NFIX: variants seen among roughly 807,000 people sequenced by gnomAD.
NFIX encodes the protein nuclear factor I X.
Under a neutral mutation model 53.3 loss-of-function variants are expected in NFIX, and 2 were observed. The observed-to-expected ratio is 0.04, with a 90% CI of 0.02 to 0.12. NFIX has a LOEUF of 0.12. Among genes scored for constraint, NFIX ranks in the 10% least tolerant of loss-of-function variants. NFIX has a pLI of 1.00. For synonymous variants in NFIX, 244 were observed against 289.0 expected (o/e 0.84, Z 1.58); for missense variants, 310 against 674.5 (o/e 0.46, Z 5.99).
Position 13,037,891 on chromosome 19 carries a change from C to T in NFIX, c.559+12339C>T, listed in dbSNP as rs1047695621. ...CCCAGGAACAAAGAATCATCTCGCCCCCAAACGTCACAAGTGCGGAGGTGG... is the reference window on the plus strand; with the variant it reads ...CCCAGGAACAAAGAATCATCTCGCCTCCAAACGTCACAAGTGCGGAGGTGG... On this transcript the variant is annotated intron_variant, in intron 2 of 10. Coordinates refer to ENST00000592199, the MANE Select transcript of NFIX (RefSeq NM_001365902.3). The surrounding 1 kb of genome is among the most constrained non-coding windows in gnomAD (Gnocchi z 4.2). Among the ~76,000 whole-genome samples, 19 of 152,178 alleles carry T rather than the reference C, an allele frequency of 1.2e-4. No homozygotes were observed. The highest frequency in any genetic ancestry group is 1.1e-3 in the Admixed American group (17 of 15,290).
In NFIX at chr19:13,072,906, TG is replaced by T; in HGVS notation, c.560-137del. On this transcript the variant is annotated intron_variant, in intron 2 of 10. Transcript: ENST00000592199. This position sits in a 1 kb window ranked among gnomAD's most constrained non-coding sequence, Gnocchi z 4.0. The stretch of plus-strand genomic sequence containing the variant: ...CTCCCGGAGCCTCCTGGGGCTGGTT[TG>T]GGGAGAGGGTGGGGTGAAGGTTTCT... 1 of 802,470 alleles carries T rather than the reference TG, an allele frequency of 1.2e-6. No individual in the cohort carries two copies. The highest frequency in any genetic ancestry group is 2.2e-6 in the Non-Finnish European group (1 of 459,018). The allele number at this position is 802,470 out of a possible 1,614,324, so 49.7% of individuals were successfully genotyped here. A position where few individuals can be genotyped will look rare whatever the true frequency, so the allele number is the denominator to read the frequency against.
intron 7 of NFIX, among the ~76,000 whole-genome samples, chr19:13,079,064 T>A (rs2017297606): frequency 6.6e-6 from 1 of 152,244 alleles, no homozygotes; most frequent in Admixed American, 6.5e-5. Context: ...TCCTGCCAGC[T>A]GTGAGCGGGA....
At chr19:13,024,133 A>G in intron 1 of NFIX, 1 of 826,276 alleles carries the variant, frequency 1.2e-6, no homozygotes. Flanking sequence ...AAAAAAAACC[A>G]AACAAAACCG....
At chr19:13,003,251 C>T (rs936022144) in intron 1 of NFIX, among the ~76,000 whole-genome samples, 2 of 152,122 alleles carry the variant, frequency 1.3e-5, no homozygotes, top group Non-Finnish European at 1.5e-5. Flanking sequence ...GAATCTTGCC[C>T]TCACTCACAG....
In NFIX at chr19:13,023,610, T is replaced by C. The variant is rs113304547; in HGVS notation, c.28-1411T>C. Among the ~76,000 whole-genome samples the C allele has an allele frequency of 3.3e-3, 496 of 151,340 alleles. 2 individuals are homozygous for C. Among genetic ancestry groups the C allele is most frequent in the African/African-American group, 0.011 (471 of 41,370 alleles). ...AGATGGTGGGAGGCTGGTTTTGATT[T>C]TTAAATTTTGCATTTTTTTCTTTTT... On this transcript the variant is annotated intron_variant, in intron 1 of 10. Transcript: ENST00000592199.
In NFIX at chr19:13,081,539, A is replaced by T; in HGVS notation, c.1079-141A>T. 1 of 690,206 alleles carries T rather than the reference A, an allele frequency of 1.4e-6. No homozygotes were observed. Among genetic ancestry groups the T allele is most frequent in the Non-Finnish European group, 2.3e-6 (1 of 434,046 alleles). The allele number at this position is 690,206 out of a possible 1,614,324, so 42.8% of individuals were successfully genotyped here. Reference sequence around the variant, plus strand: ...ATGACTGACTTTTTTGTGCCGCCTTAACTTTTGTGCCTGTGGCGGCTGCCT... The same window carrying T: ...ATGACTGACTTTTTTGTGCCGCCTTTACTTTTGTGCCTGTGGCGGCTGCCT... On this transcript the variant is annotated intron_variant, in intron 7 of 10. Transcript: ENST00000592199. This position sits in a 1 kb window ranked among gnomAD's most constrained non-coding sequence, Gnocchi z 4.7.
At chr19:13,032,083 C>T (rs935427256) in intron 2 of NFIX, among the ~76,000 whole-genome samples, 3 of 152,194 alleles carry the variant, frequency 2.0e-5, no homozygotes, top group Admixed American at 6.5e-5. Flanking sequence ...GCGGTGCTCG[C>T]ACAAAAGGCC....
In NFIX at chr19:13,005,511, G is replaced by A. The variant is rs1477511956; in HGVS notation, c.27+9647G>A. Among the ~76,000 whole-genome samples the A allele has an allele frequency of 6.6e-6, 1 of 152,218 alleles. No homozygotes were observed. Among genetic ancestry groups the A allele is most frequent in the African/African-American group, 2.4e-5 (1 of 41,452 alleles). On this transcript the variant is annotated intron_variant, in intron 1 of 10. Transcript: ENST00000592199. This position sits in a 1 kb window ranked among gnomAD's most constrained non-coding sequence, Gnocchi z 4.7. ...ATTTCTGTATCTAGGAAGCAGGGCT[G>A]TGGTAAGGATCTGAGGAGTTGGTTC...
chr19:13,039,373 G>A (rs1379999603), intron 2 of NFIX, among the ~76,000 whole-genome samples: 1 of 152,130 alleles, frequency 6.6e-6, no homozygotes, highest in South Asian at 2.1e-4. Context: ...GTAACTCAGA[G>A]ATTCATTAAT....
At chr19:13,017,971 G>GCACTT (rs1334559996) in intron 1 of NFIX, among the ~76,000 whole-genome samples, 4 of 152,244 alleles carry the variant, frequency 2.6e-5, no homozygotes, top group East Asian at 1.9e-4. Context: ...TGTCCTTCAC[G>GCACTT]CACTTCGGAA....
At position 13,014,350 on chromosome 19, in the gene NFIX, G is replaced by A. The variant is rs1024389656; in HGVS notation, c.28-10671G>A. On this transcript the variant is annotated intron_variant, in intron 1 of 10. Transcript: ENST00000592199. This position sits in a 1 kb window ranked among gnomAD's most constrained non-coding sequence, Gnocchi z 4.4. ...GCCTCTGGGCCCTGACCCACTGCCT[G>A]GTTTGCGCTAGAGCCGTTTAAAAAA... is the stretch of plus-strand genomic sequence containing the variant. 2 of 152,256 alleles carry A rather than the reference G, an allele frequency of 1.3e-5. No individual in the cohort carries two copies. Among genetic ancestry groups the A allele is most frequent in the African/African-American group, 4.8e-5 (2 of 41,456 alleles). The allele number at this position is 152,256 out of a possible 1,614,324, so 9.4% of individuals were successfully genotyped here.
At chr19:13,074,488 G>A (rs1255443733) in intron 5 of NFIX, among the ~76,000 whole-genome samples, 1 of 152,170 alleles carries the variant, frequency 6.6e-6, no homozygotes, top group Non-Finnish European at 1.5e-5. Context: ...ACCCCTGAGG[G>A]GTTTTAAGCA....
chr19:13,021,413 C>T lies in NFIX; in HGVS notation c.28-3608C>T, dbSNP rs2145178582. On this transcript the variant is annotated intron_variant, in intron 1 of 10. Coordinates refer to ENST00000592199, the MANE Select transcript of NFIX (RefSeq NM_001365902.3). The surrounding 1 kb of genome is among the most constrained non-coding windows in gnomAD (Gnocchi z 4.2). The stretch of plus-strand genomic sequence containing the variant: ...TCCCATTGTCAGGGTTCAGCGCCAG[C>T]CCAGGGCTGGATGTTTTATTTTGGC... 6.6e-6 allele frequency among the ~76,000 whole-genome samples: 1 copy of T among 152,250 alleles called. No homozygotes were observed. Among genetic ancestry groups the T allele is most frequent in the Admixed American group, 6.5e-5 (1 of 15,306 alleles).
rs761546183 is a variant in NFIX, at chr19:13,081,735, G to A, written c.1134G>A (p.Gln378=). The A allele has an allele frequency of 6.2e-7, 1 of 1,613,740 alleles. No homozygotes were observed. The highest frequency in any genetic ancestry group is 8.5e-7 in the Non-Finnish European group (1 of 1,179,878). Residue 378 remains glutamine, a synonymous_variant, in exon 8 of 11, where the codon CAG becomes CAA. Transcript: ENST00000592199. The surrounding 1 kb of genome is among the most constrained non-coding windows in gnomAD (Gnocchi z 4.7). ...ALHFPSTSII[Q]QSSPYFTHPT... ...ACTTCCCCTCCACGTCCATCATCCA[G>A]CAGTCGAGCCCGTATTTCACGCACC...
At chr19:13,039,951 C>T (rs2014503006) in intron 2 of NFIX, among the ~76,000 whole-genome samples, 1 of 151,978 alleles carries the variant, frequency 6.6e-6, no homozygotes, top group Non-Finnish European at 1.5e-5. Flanking sequence ...GGAAGAGAGC[C>T]AAGATGGGAA....
rs1281680132 is a variant in NFIX at position 13,078,562 on chromosome 19, C to T, written c.956-51C>T. On this transcript the variant is annotated intron_variant, in intron 6 of 10. Coordinates refer to ENST00000592199, the MANE Select transcript of NFIX (RefSeq NM_001365902.3). The surrounding 1 kb of genome is among the most constrained non-coding windows in gnomAD (Gnocchi z 4.7). ...CTGCTGGCTTCCCGCCTTCCCCGCA[C>T]CCACCCCAGCCCAGCTAAACCTGCC... 69 of 1,559,926 alleles carry T rather than the reference C, an allele frequency of 4.4e-5. 1 individual carries two copies. In the South Asian group the frequency reaches 7.2e-4, roughly 16 times the overall value.
rs926566794 is a variant in NFIX at position 13,028,628 on chromosome 19, G to A, written c.559+3076G>A. ...TGCGGCTGGCCTTCCTGCTGGGAAGGAGTCTGTCTGTGTGTCTGTCTGTGT... is the reference window on the plus strand; with the variant it reads ...TGCGGCTGGCCTTCCTGCTGGGAAGAAGTCTGTCTGTGTGTCTGTCTGTGT... On this transcript the variant is annotated intron_variant, in intron 2 of 10. Transcript: ENST00000592199. This position sits in a 1 kb window ranked among gnomAD's most constrained non-coding sequence, Gnocchi z 4.2. Among the ~76,000 whole-genome samples the A allele has an allele frequency of 2.0e-5, 3 of 152,242 alleles. No homozygotes were observed. The highest frequency in any genetic ancestry group is 4.4e-5 in the Non-Finnish European group (3 of 68,048).
At position 13,078,502 on chromosome 19, in the gene NFIX, G is replaced by C. The variant is rs1275997496; in HGVS notation, c.956-111G>C. ...CAGGAGGGAGCACAGTGGAGGAAGG[G>C]GCAGTGGGGAGGGGCTGAGGAGAGA... On this transcript the variant is annotated intron_variant, in intron 6 of 10. Transcript: ENST00000592199. The surrounding 1 kb of genome is among the most constrained non-coding windows in gnomAD (Gnocchi z 4.7). The C allele has an allele frequency of 1.4e-5, 19 of 1,323,786 alleles. No homozygotes were observed. Among genetic ancestry groups the C allele is most frequent in the Non-Finnish European group, 1.8e-5 (17 of 961,602 alleles). The allele number at this position is 1,323,786 out of a possible 1,614,324, so 82.0% of individuals were successfully genotyped here.
rs1873615003 is a variant in NFIX, at chr19:13,009,144, G to C, written c.27+13280G>C. Reference sequence around the variant, plus strand: ...CGGCACAATCTGTCGTCCACGCACAGTCTCACACACAACCTGTCACACACG... The same window carrying C: ...CGGCACAATCTGTCGTCCACGCACACTCTCACACACAACCTGTCACACACG... On this transcript the variant is annotated intron_variant, in intron 1 of 10. Coordinates refer to ENST00000592199, the MANE Select transcript of NFIX (RefSeq NM_001365902.3). This position sits in a 1 kb window ranked among gnomAD's most constrained non-coding sequence, Gnocchi z 4.7. Among the ~76,000 whole-genome samples, 1 of 152,160 alleles carries C rather than the reference G, an allele frequency of 6.6e-6. No individual in the cohort carries two copies. The highest frequency in any genetic ancestry group is 1.5e-5 in the Non-Finnish European group (1 of 68,016).
Sources: allele counts gnomAD v4.1 joint callset (sites outside exome capture counted in the v4.1 genomes callset), GRCh38; gene constraint gnomAD v4.1.1; non-coding constraint Gnocchi (gnomAD v3.1); transcripts MANE v1.5; gene names NCBI Gene and HGNC (gene_info 2026-07-23, HGNC 2026-07-21).